RBMS3: variants seen among roughly 807,000 people sequenced by gnomAD.
RBMS3 encodes the protein RNA binding motif single stranded interacting protein 3.
RBMS3 carries 27 observed loss-of-function variants against 66.8 expected under a neutral mutation model. That is an observed-to-expected ratio of 0.40 (90% CI 0.30 to 0.56). The LOEUF is 0.56. Ranked by LOEUF, RBMS3 falls within the 20% of genes least tolerant of loss-of-function variation. RBMS3 has a pLI of 0.40. For synonymous variants in RBMS3, 188 were observed against 183.0 expected (o/e 1.03, Z -0.22); for missense variants, 513 against 549.5 (o/e 0.93, Z 0.66).
At chr3:29,557,273 C>A (rs1462736959) in intron 3 of RBMS3, among the ~76,000 whole-genome samples, 1 of 152,164 alleles carries the variant, frequency 6.6e-6, no homozygotes, top group Admixed American at 6.5e-5. Flanking sequence ...ACATTCCCAA[C>A]AAACTAAAAT....
intron 1 of RBMS3, among the ~76,000 whole-genome samples, chr3:29,318,299 A>G (rs1404782319): frequency 6.6e-6 from 1 of 151,844 alleles, no homozygotes; most frequent in Non-Finnish European, 1.5e-5. Flanking sequence ...GAATTTTGCA[A>G]ACTAGAAATG....
intron 4 of RBMS3, among the ~76,000 whole-genome samples, chr3:29,609,925 A>G (rs1444527748): frequency 1.3e-5 from 2 of 152,064 alleles, no homozygotes; most frequent in African/African-American, 2.4e-5. Context: ...TTATTAATAT[A>G]CATTTGCTTT....
chr3:29,714,750 A>G (rs548822148), intron 4 of RBMS3, among the ~76,000 whole-genome samples: 2 of 24,828 alleles, frequency 8.1e-5, no homozygotes, highest in African/African-American at 5.1e-4. Flanking sequence ...ACACATGTAC[A>G]CACACACACA....
intron 12 of RBMS3, among the ~76,000 whole-genome samples, chr3:29,947,747 C>T (rs1695415636): frequency 6.6e-6 from 1 of 151,132 alleles, no homozygotes; most frequent in Non-Finnish European, 1.5e-5. Context: ...AGTAAAATGC[C>T]ATTTTCTATA....
chr3:29,361,731 G>A (rs112894625), intron 1 of RBMS3, among the ~76,000 whole-genome samples: 1,528 of 152,224 alleles, frequency 0.01, 32 homozygotes, highest in African/African-American at 0.034. Context: ...ATATTTCTTG[G>A]AGGCTTTGCT....
chr3:29,993,303 A>T (rs1324122807), intron 14 of RBMS3, among the ~76,000 whole-genome samples: 1 of 148,236 alleles, frequency 6.7e-6, no homozygotes, highest in Non-Finnish European at 1.5e-5. Flanking sequence ...GCATATTGAA[A>T]TTTTTTTTCA....
intron 4 of RBMS3, among the ~76,000 whole-genome samples, chr3:29,643,393 T>C (rs142503616): frequency 6.7e-4 from 102 of 152,220 alleles, no homozygotes; most frequent in African/African-American, 2.4e-3. Flanking sequence ...ATAATTTCTT[T>C]GTTGACTTCT....
intron 1 of RBMS3, among the ~76,000 whole-genome samples, chr3:29,424,047 C>G (rs192715128): frequency 2.0e-5 from 3 of 152,254 alleles, no homozygotes; most frequent in African/African-American, 7.2e-5. Context: ...AGAATTGTGC[C>G]TGGAATATAA....
intron 3 of RBMS3, among the ~76,000 whole-genome samples, chr3:29,494,120 T>C (rs572318599): frequency 1.3e-5 from 2 of 152,348 alleles, no homozygotes; most frequent in South Asian, 2.1e-4. Flanking sequence ...ATATTGTGTG[T>C]AAGTTAGTCT....
chr3:29,478,523 A>G (rs1026092696), intron 2 of RBMS3, among the ~76,000 whole-genome samples: 1 of 152,162 alleles, frequency 6.6e-6, no homozygotes, highest in Non-Finnish European at 1.5e-5. Context: ...CATATTAGTG[A>G]TTGGGTTTCA....
At chr3:29,497,252 G>A (rs572809025) in intron 3 of RBMS3, among the ~76,000 whole-genome samples, 8 of 151,836 alleles carry the variant, frequency 5.3e-5, no homozygotes, top group Non-Finnish European at 7.4e-5. Context: ...ATCATGATCC[G>A]CCCGCCTCAA....
intron 1 of RBMS3, among the ~76,000 whole-genome samples, chr3:29,384,841 GAA>G (rs2038937633): frequency 6.6e-6 from 1 of 152,198 alleles, no homozygotes; most frequent in South Asian, 2.1e-4. Flanking sequence ...GGGGAAGAGA[GAA>G]ATGCTTTTTG....
chr3:29,584,984 A>G (rs1207434149), intron 3 of RBMS3, among the ~76,000 whole-genome samples: 1 of 152,168 alleles, frequency 6.6e-6, no homozygotes, highest in Admixed American at 6.5e-5. Context: ...ATATGCTGTC[A>G]TTTACTTTCA....
At chr3:29,927,546 A>G (rs1161982831) in intron 10 of RBMS3, among the ~76,000 whole-genome samples, 1 of 152,186 alleles carries the variant, frequency 6.6e-6, no homozygotes, top group Non-Finnish European at 1.5e-5. Flanking sequence ...GGAGCAAGTG[A>G]CCGGTAGCCT....
Position 29,355,149 on chromosome 3 carries a change from C to A in RBMS3, c.75+73393C>A, listed in dbSNP as rs757177490. Among the ~76,000 whole-genome samples, 6 of 152,134 alleles carry A rather than the reference C, an allele frequency of 3.9e-5. No individual in the cohort carries two copies. In the South Asian group the frequency reaches 1.0e-3, roughly 26 times the overall value. ...TTTAATTACATGAGCTCCTGCCAGACTGCATGTTCTATGAATAAGGGGCCA... is the reference window on the plus strand; with the variant it reads ...TTTAATTACATGAGCTCCTGCCAGAATGCATGTTCTATGAATAAGGGGCCA... On this transcript the variant is annotated intron_variant, in intron 1 of 14. Coordinates refer to ENST00000383767, the MANE Select transcript of RBMS3 (RefSeq NM_001003793.3).
intron 10 of RBMS3, among the ~76,000 whole-genome samples, chr3:29,925,857 A>C: frequency 6.6e-6 from 1 of 152,338 alleles, no homozygotes; most frequent in East Asian, 1.9e-4. Flanking sequence ...ACATTCTATT[A>C]AACTAAAAAA....
intron 12 of RBMS3, among the ~76,000 whole-genome samples, chr3:29,965,991 T>A (rs893475729): frequency 5.9e-5 from 9 of 152,182 alleles, no homozygotes; most frequent in African/African-American, 2.2e-4. Context: ...GGTGTCCTTT[T>A]TCCACTTTTA....
At chr3:29,379,351 G>GA (rs1463574364) in intron 1 of RBMS3, among the ~76,000 whole-genome samples, 2 of 151,636 alleles carry the variant, frequency 1.3e-5, no homozygotes, top group South Asian at 2.1e-4. Context: ...AGAGTAACTA[G>GA]AAAAAAAATG....
chr3:29,454,996 AT>A (rs2042134997), intron 2 of RBMS3, among the ~76,000 whole-genome samples: 1 of 152,154 alleles, frequency 6.6e-6, no homozygotes, highest in African/African-American at 2.4e-5. Context: ...ATTTTTGTTC[AT>A]GAAGTCATAG....
Sources: gnomAD v4.1 joint callset for allele counts (sites outside exome capture counted in the v4.1 genomes callset) on GRCh38, gnomAD v4.1.1 for gene constraint, MANE v1.5 for transcripts, NCBI Gene and HGNC (gene_info 2026-07-23, HGNC 2026-07-21) for gene names.